Variants in DCAF8L2 observed in about 807,000 individuals in gnomAD.
DCAF8L2 encodes the protein DDB1- and CUL4-associated factor 8-like protein 2.
For missense variants in DCAF8L2, 430 were observed against 490.7 expected (o/e 0.88, Z 1.17); for synonymous variants, 200 against 190.9 (o/e 1.05, Z -0.39).
chrX:27,492,228 C>G, the DCAF8L2 span, among the ~76,000 whole-genome samples: 5 of 111,990 alleles, frequency 4.5e-5, no homozygotes, highest in Non-Finnish European at 9.4e-5. Flanking sequence ...ATCCCTGTAG[C>G]CTTTATCACA....
chrX:27,471,130 A>C, the DCAF8L2 span, among the ~76,000 whole-genome samples: 56 of 111,985 alleles, frequency 5.0e-4, no homozygotes, highest in African/African-American at 1.8e-3. Context: ...TCATCTACTA[A>C]GTTTTTAAAA....
At chrX:27,478,232 T>C in the DCAF8L2 span, among the ~76,000 whole-genome samples, 18 of 112,445 alleles carry the variant, frequency 1.6e-4, no homozygotes, top group African/African-American at 5.8e-4. Context: ...GTTCTAATTA[T>C]GTAGGATGCA....
At chrX:27,509,903 A>G in the DCAF8L2 span, among the ~76,000 whole-genome samples, 1 of 111,892 alleles carries the variant, frequency 8.9e-6, no homozygotes, top group East Asian at 2.8e-4. Flanking sequence ...AGATCCTTTC[A>G]GTTAACATAG....
chrX:27,498,765 G>C, the DCAF8L2 span, among the ~76,000 whole-genome samples: 2 of 111,976 alleles, frequency 1.8e-5, 1 homozygote, highest in East Asian at 5.7e-4. Flanking sequence ...ATCTGAGTAT[G>C]ACTTTATTAG....
At chrX:27,671,654 A>G (rs1162159286) in intron 2 of DCAF8L2, among the ~76,000 whole-genome samples, 1 of 112,081 alleles carries the variant, frequency 8.9e-6, no homozygotes, top group Admixed American at 9.6e-5. Flanking sequence ...ATCCAGAGGA[A>G]GGAGAACCAA....
intron 1 of DCAF8L2, among the ~76,000 whole-genome samples, chrX:27,629,019 T>C (rs752949596): frequency 3.6e-5 from 4 of 112,081 alleles, no homozygotes; most frequent in South Asian, 7.4e-4. Context: ...ATGTCTTTTT[T>C]GGAGAAATAT....
chrX:27,565,056 T>C, the DCAF8L2 span, among the ~76,000 whole-genome samples: 1 of 109,221 alleles, frequency 9.2e-6, no homozygotes. Flanking sequence ...TAACAATACA[T>C]TATATATTAT....
the DCAF8L2 span, among the ~76,000 whole-genome samples, chrX:27,498,530 C>T: frequency 8.9e-6 from 1 of 112,375 alleles, no homozygotes; most frequent in African/African-American, 3.2e-5. Flanking sequence ...TTAACATAGC[C>T]ATCAACAACA....
chrX:27,708,186 TATTGTTCCCATCTTTATGTCC>T (rs1256180305), intron 3 of DCAF8L2, among the ~76,000 whole-genome samples: 1 of 111,417 alleles, frequency 9.0e-6, no homozygotes, highest in Non-Finnish European at 1.9e-5. Flanking sequence ...TACCAGTGTC[TATTGTTCCCATCTTTATGTCC>T]ATATGTGCTC....
chrX:27,519,127 A>G, the DCAF8L2 span: 1 of 1,121,824 alleles, frequency 8.9e-7, no homozygotes, highest in Admixed American at 2.2e-5. Flanking sequence ...ACAATTACAG[A>G]ATGAAAAGAA....
the DCAF8L2 span, among the ~76,000 whole-genome samples, chrX:27,564,103 A>G: frequency 8.9e-6 from 1 of 111,927 alleles, no homozygotes; most frequent in African/African-American, 3.2e-5. Flanking sequence ...AATGACTCAC[A>G]GTTCAGCATG....
chrX:27,598,974 A>AAAT (rs1555917079), intron 1 of DCAF8L2, among the ~76,000 whole-genome samples: 601 of 92,175 alleles, frequency 6.5e-3, no homozygotes, highest in Middle Eastern at 0.022. Context: ...AAAAAAAAAA[A>AAAT]ATATATATAT....
At chrX:27,738,734 TCTC>T (rs1262375319) in intron 4 of DCAF8L2, among the ~76,000 whole-genome samples, 1 of 112,075 alleles carries the variant, frequency 8.9e-6, no homozygotes, top group African/African-American at 3.2e-5. Context: ...AATCTCCATT[TCTC>T]TATTGGACTA....
intron 4 of DCAF8L2, among the ~76,000 whole-genome samples, chrX:27,744,984 A>G (rs939820709): frequency 1.8e-5 from 2 of 112,036 alleles, no homozygotes; most frequent in Non-Finnish European, 1.9e-5. Context: ...TTTAGAGCAA[A>G]GCGAAATGGA....
At chrX:27,583,789 C>T in the DCAF8L2 span, among the ~76,000 whole-genome samples, 1 of 111,937 alleles carries the variant, frequency 8.9e-6, no homozygotes. Flanking sequence ...AACCACCTTG[C>T]TCCAGTCCAT....
intron 1 of DCAF8L2, among the ~76,000 whole-genome samples, chrX:27,622,504 AATC>A (rs1006230178): frequency 9.9e-5 from 11 of 111,590 alleles, no homozygotes; most frequent in Non-Finnish European, 1.9e-4. Context: ...AATTGGCAAT[AATC>A]TCAAACTCAT....
At chrX:27,508,250 A>C in the DCAF8L2 span, among the ~76,000 whole-genome samples, 1 of 111,629 alleles carries the variant, frequency 9.0e-6, no homozygotes, top group Non-Finnish European at 1.9e-5. Flanking sequence ...TACAAGTTTA[A>C]GGGATGGGAG....
chrX:27,499,434 A>G, the DCAF8L2 span, among the ~76,000 whole-genome samples: 1 of 112,108 alleles, frequency 8.9e-6, no homozygotes, highest in East Asian at 2.8e-4. Context: ...TTTTTTGGCT[A>G]TCAAGTTGTA....
chrX:27,490,535 C>T, the DCAF8L2 span, among the ~76,000 whole-genome samples: 31 of 107,395 alleles, frequency 2.9e-4, 1 homozygote, highest in South Asian at 0.012. Context: ...GATCTCGGCT[C>T]ACTGCAACCT....
Sources: allele counts gnomAD v4.1 joint callset (sites outside exome capture counted in the v4.1 genomes callset), GRCh38; gene constraint gnomAD v4.1.1; transcripts MANE v1.5; gene names NCBI Gene and HGNC (gene_info 2026-07-23, HGNC 2026-07-21).